Variants in STK4 observed in about 807,000 individuals in gnomAD.
The protein encoded by STK4 is serine/threonine-protein kinase 4.
Under a neutral mutation model 64.9 loss-of-function variants are expected in STK4, and 30 were observed. The ratio of observed to expected loss-of-function variants is 0.46; its 90% CI spans 0.35 to 0.63. The LOEUF (loss-of-function observed/expected upper bound fraction) is 0.63. Ranked by LOEUF, STK4 falls within the 20% of genes least tolerant of loss-of-function variation. STK4 has a pLI of 0.01. For synonymous variants in STK4, 177 were observed against 199.0 expected, an observed-to-expected ratio of 0.89 and a Z score of 0.93; for missense variants, 466 against 598.5, an observed-to-expected ratio of 0.78 and a Z score of 2.31.
chr20:45,066,254 G>A (rs904223764), intron 10 of STK4, among the ~76,000 whole-genome samples: 2 of 151,312 alleles, frequency 1.3e-5, no homozygotes, highest in African/African-American at 4.9e-5. Context: ...TACATCTGTG[G>A]TTTTGGACAT....
intron 3 of STK4, among the ~76,000 whole-genome samples, chr20:44,979,036 A>C (rs2067390391): frequency 6.6e-6 from 1 of 152,042 alleles, no homozygotes; most frequent in Admixed American, 6.6e-5. Flanking sequence ...CCTGACCATA[A>C]ATGATCTGCC....
At position 45,051,076 on chromosome 20, in the gene STK4, G is replaced by A. The variant is rs200687928; in HGVS notation, c.1306-23942G>A. Among the ~76,000 whole-genome samples the A allele has an allele frequency of 2.7e-4, 41 of 152,284 alleles. No homozygotes were observed. The East Asian group carries it at 5.4e-3, about 20-fold the overall frequency. ...AGAAACTTTCCACTTCAAACTCTGAGTTTTAATGTTTTTCGGCTTTTAAAA... is the reference window on the plus strand; with the variant it reads ...AGAAACTTTCCACTTCAAACTCTGAATTTTAATGTTTTTCGGCTTTTAAAA... On this transcript the variant is annotated intron_variant, in intron 10 of 10. Transcript: ENST00000372806.
chr20:44,981,532 A>G (rs1259340769), intron 3 of STK4, among the ~76,000 whole-genome samples: 9 of 152,178 alleles, frequency 5.9e-5, no homozygotes, highest in Admixed American at 3.9e-4. Flanking sequence ...ACTTTTGTCA[A>G]TAGTGCTATG....
At chr20:45,059,326 C>T (rs761119471) in intron 10 of STK4, among the ~76,000 whole-genome samples, 86 of 152,174 alleles carry the variant, frequency 5.7e-4, no homozygotes, top group Middle Eastern at 3.2e-3. Flanking sequence ...CAATGTTCAT[C>T]TTTTCACTTA....
intron 5 of STK4, among the ~76,000 whole-genome samples, chr20:44,993,956 G>A (rs2067681995): frequency 2.7e-5 from 4 of 150,664 alleles, no homozygotes; most frequent in Admixed American, 2.6e-4. Context: ...TCCAGCCTGG[G>A]CAGAAGATCA....
intron 9 of STK4, among the ~76,000 whole-genome samples, chr20:45,009,030 T>G (rs1297373131): frequency 6.6e-6 from 1 of 152,208 alleles, no homozygotes; most frequent in African/African-American, 2.4e-5. Context: ...GCAGAAGCTC[T>G]TTAGTTTAAT....
intron 9 of STK4, among the ~76,000 whole-genome samples, chr20:45,011,239 T>C (rs1568719153): frequency 6.6e-6 from 1 of 152,108 alleles, no homozygotes; most frequent in Non-Finnish European, 1.5e-5. Context: ...TCTGTGTCAG[T>C]GTTAGGATCA....
At chr20:45,049,107 A>G (rs1170131131) in intron 10 of STK4, among the ~76,000 whole-genome samples, 1 of 152,158 alleles carries the variant, frequency 6.6e-6, no homozygotes, top group African/African-American at 2.4e-5. Context: ...AGAGAGCTGT[A>G]TGGGATCCAT....
intron 10 of STK4, among the ~76,000 whole-genome samples, chr20:45,070,198 G>A (rs778964855): frequency 2.4e-4 from 37 of 152,214 alleles, no homozygotes; most frequent in Admixed American, 3.9e-4. Context: ...GCAGGGGCCA[G>A]CCATATGAGG....
chr20:45,043,082 A>T (rs574997057), intron 10 of STK4, among the ~76,000 whole-genome samples: 1 of 151,436 alleles, frequency 6.6e-6, no homozygotes, highest in Non-Finnish European at 1.5e-5. Flanking sequence ...TTCAGCTCCC[A>T]CTTATAAGTG....
At chr20:44,986,314 A>T (rs2067529289) in intron 4 of STK4, among the ~76,000 whole-genome samples, 1 of 152,202 alleles carries the variant, frequency 6.6e-6, no homozygotes, top group Non-Finnish European at 1.5e-5. Flanking sequence ...CAAACTGAGG[A>T]AGCATACTGG....
At chr20:45,007,746 T>C in intron 9 of STK4, 1 of 406,366 alleles carries the variant, frequency 2.5e-6, no homozygotes, top group African/African-American at 2.1e-5. Flanking sequence ...GAAACAATTG[T>C]TTATTCATTT....
chr20:45,033,476 T>G (rs1399530274), intron 10 of STK4, among the ~76,000 whole-genome samples: 1 of 152,202 alleles, frequency 6.6e-6, no homozygotes, highest in African/African-American at 2.4e-5. Flanking sequence ...GGGTCCAGTT[T>G]CAGTCTTTTG....
intron 9 of STK4, among the ~76,000 whole-genome samples, chr20:45,012,146 CT>C (rs1256972831): frequency 6.6e-6 from 1 of 151,932 alleles, no homozygotes; most frequent in African/African-American, 2.4e-5. Flanking sequence ...AGCAATTCCC[CT>C]GTCTCAACTT....
At chr20:45,067,152 AGTGTTGAG>A (rs1979643852) in intron 10 of STK4, among the ~76,000 whole-genome samples, 1 of 151,958 alleles carries the variant, frequency 6.6e-6, no homozygotes, top group Non-Finnish European at 1.5e-5. Flanking sequence ...TCTAGTGGCC[AGTGTTGAG>A]GTATGGGATG....
chr20:45,054,592 A>G (rs1344236848), intron 10 of STK4, among the ~76,000 whole-genome samples: 4 of 150,914 alleles, frequency 2.7e-5, no homozygotes, highest in Non-Finnish European at 5.9e-5. Flanking sequence ...AAAAAAAAAA[A>G]AGGAAAAAGT....
intron 9 of STK4, among the ~76,000 whole-genome samples, chr20:45,014,541 A>G (rs1445136430): frequency 6.6e-6 from 1 of 152,156 alleles, no homozygotes; most frequent in Non-Finnish European, 1.5e-5. Context: ...AAGCAAAAAA[A>G]TATTTTTTTT....
intron 10 of STK4, among the ~76,000 whole-genome samples, chr20:45,055,453 T>G (rs931583782): frequency 4.6e-5 from 7 of 152,146 alleles, no homozygotes; most frequent in Admixed American, 2.6e-4. Context: ...TCTGTATTTA[T>G]AGCTTGCTTT....
chr20:45,041,830 C>T (rs2068618633), intron 10 of STK4, among the ~76,000 whole-genome samples: 2 of 152,202 alleles, frequency 1.3e-5, no homozygotes, highest in South Asian at 2.1e-4. Flanking sequence ...AATCTCCTGG[C>T]AAACATTGTT....
Sources: allele counts gnomAD v4.1 joint callset (sites outside exome capture counted in the v4.1 genomes callset), GRCh38; gene constraint gnomAD v4.1.1; transcripts MANE v1.5; gene names NCBI Gene and HGNC (gene_info 2026-07-23, HGNC 2026-07-21).